Variants in BRCA1 observed in about 807,000 individuals in gnomAD.
BRCA1 encodes breast cancer type 1 susceptibility protein.
BRCA1 carries 140 observed loss-of-function variants against 173.7 expected under a neutral mutation model. That is an observed-to-expected ratio of 0.81 (90% CI 0.70 to 0.93). The LOEUF (loss-of-function observed/expected upper bound fraction) is 0.93. Among genes scored for constraint, BRCA1 ranks in the 40% least tolerant of loss-of-function variants. The pLI is 0.00. For missense variants in BRCA1, 1,983 were observed against 2,172.5 expected, an observed-to-expected ratio of 0.91 and a Z score of 1.73; for synonymous variants, 662 against 756.0, an observed-to-expected ratio of 0.88 and a Z score of 2.04.
intron 12 of BRCA1, among the ~76,000 whole-genome samples, chr17:43,077,895 C>G (rs2052814428): frequency 6.6e-6 from 1 of 151,740 alleles, no homozygotes; most frequent in African/African-American, 2.4e-5. Context: ...ACCACCTCGC[C>G]CAACTAATTT....
chr17:43,065,227 G>A (rs2052013007), intron 16 of BRCA1, among the ~76,000 whole-genome samples: 1 of 152,112 alleles, frequency 6.6e-6, no homozygotes, highest in Non-Finnish European at 1.5e-5. Flanking sequence ...GTAATAACTT[G>A]TTCTGGCACC....
chr17:43,168,890 A>T (rs1409279163), intron 1 of BRCA1, among the ~76,000 whole-genome samples: 1 of 152,042 alleles, frequency 6.6e-6, no homozygotes, highest in African/African-American at 2.4e-5. Flanking sequence ...TCTTGCATAA[A>T]ACCAAAATCA....
In BRCA1 at chr17:43,145,193, G is replaced by A. The variant is rs956828563; in HGVS notation, c.-19-21078C>T. 6.2e-5 allele frequency: 44 copies of A among 710,728 alleles called. No homozygotes were observed. The African/African-American group carries it at 6.4e-4, about 10-fold the overall frequency. The allele number at this position is 710,728 out of a possible 1,614,324, so 44.0% of individuals were successfully genotyped here. A position where few individuals can be genotyped will look rare whatever the true frequency, so the allele number is the denominator to read the frequency against. ...GAAGATTTACCTGCAGAAAACAGGG[G>A]AAACGAAAACTGAGGAGAGTCCAGC... On this transcript the variant is annotated intron_variant, in intron 1 of 7. Coordinates refer to the BRCA1 transcript ENST00000634433.
intron 1 of BRCA1, chr17:43,132,589 C>A (rs897240913): frequency 7.0e-6 from 1 of 142,348 alleles, no homozygotes; most frequent in Non-Finnish European, 1.5e-5. Flanking sequence ...TTTTCTTTTT[C>A]TTTTTTTAGA....
intron 12 of BRCA1, among the ~76,000 whole-genome samples, chr17:43,080,800 T>C (rs951192849): frequency 6.6e-6 from 1 of 151,908 alleles, no homozygotes; most frequent in African/African-American, 2.4e-5. Context: ...AGCAAGACCC[T>C]CTCTATAAGG....
At chr17:43,132,338 A>G (rs2055974330) in intron 1 of BRCA1, among the ~76,000 whole-genome samples, 1 of 152,108 alleles carries the variant, frequency 6.6e-6, no homozygotes, top group African/African-American at 2.4e-5. Flanking sequence ...CAGCTGTCTT[A>G]GCCCCATACT....
chr17:43,092,935 G>A lies in BRCA1; in HGVS notation c.2596C>T (p.Arg866Cys), dbSNP rs41286300. The A allele has an allele frequency of 1.9e-4, 313 of 1,613,668 alleles. No homozygotes were observed. Among genetic ancestry groups the A allele is most frequent in the Middle Eastern group, 5.0e-4 (3 of 6,060 alleles). ...YLQNTFKVSK[R>C]QSFAPFSNPG... ...TTTGAAAACGGAGCAAATGACTGGCGCTTTGAAACCTTGAATGTATTCTGC... is the reference window on the plus strand; with the variant it reads ...TTTGAAAACGGAGCAAATGACTGGCACTTTGAAACCTTGAATGTATTCTGC... Residue 866 changes from arginine to cysteine, a missense_variant, in exon 10 of 23, where the codon CGC (arginine) becomes TGC (cysteine). Transcript: ENST00000357654.
In BRCA1 at chr17:43,063,349, C is replaced by A. The variant is rs786203547; in HGVS notation, c.5177G>T (p.Arg1726Ile). Residue 1726 changes from arginine to isoleucine, a missense_variant, in exon 18 of 23, where the codon AGA (arginine) becomes ATA (isoleucine). Transcript: ENST00000357654. Reference protein sequence around the residue: ...YFWVTQSIKERKMLNEHDFEV... With the variant: ...YFWVTQSIKEIKMLNEHDFEV... ...AGTACTTACCTCATTCAGCATTTTT[C>A]TTTCTTTAATAGACTGGGTCACCCC... 6.8e-6 allele frequency: 11 copies of A among 1,611,064 alleles called. No homozygotes were observed. The highest frequency in any genetic ancestry group is 9.3e-6 in the Non-Finnish European group (11 of 1,177,376).
At chr17:43,085,207 T>C (rs535756147) in intron 11 of BRCA1, among the ~76,000 whole-genome samples, 8 of 152,288 alleles carry the variant, frequency 5.3e-5, no homozygotes, top group African/African-American at 1.9e-4. Flanking sequence ...CATGTCTTTT[T>C]CTTCCATAAA....
chr17:43,080,460 G>T (rs956608346), intron 12 of BRCA1, among the ~76,000 whole-genome samples: 5 of 151,996 alleles, frequency 3.3e-5, no homozygotes, highest in Non-Finnish European at 2.9e-5. Context: ...GCCTCCCAAA[G>T]TGCTGGGGTT....
chr17:43,088,878 C>G (rs988039503), intron 11 of BRCA1, among the ~76,000 whole-genome samples: 3 of 152,138 alleles, frequency 2.0e-5, no homozygotes, highest in African/African-American at 7.2e-5. Flanking sequence ...TGCATAGAAC[C>G]CTGTGCTGGG....
At chr17:43,117,302 C>T (rs1300133620) in intron 2 of BRCA1, among the ~76,000 whole-genome samples, 2 of 152,006 alleles carry the variant, frequency 1.3e-5, no homozygotes, top group African/African-American at 2.4e-5. Context: ...ATTAGCCGGG[C>T]GTGGTGGCGC....
intron 12 of BRCA1, among the ~76,000 whole-genome samples, chr17:43,079,033 C>T (rs1477814345): frequency 6.6e-6 from 1 of 152,122 alleles, no homozygotes; most frequent in African/African-American, 2.4e-5. Context: ...AACCCTGTCT[C>T]TACTAAAAAT....
chr17:43,144,482 T>A (rs946673656), intron 1 of BRCA1, among the ~76,000 whole-genome samples: 2 of 151,926 alleles, frequency 1.3e-5, no homozygotes, highest in Non-Finnish European at 2.9e-5. Context: ...AATTGTAAAA[T>A]CTCCACCCTC....
chr17:43,063,052 G>A (rs981383309), intron 18 of BRCA1, among the ~76,000 whole-genome samples: 26 of 151,982 alleles, frequency 1.7e-4, no homozygotes, highest in African/African-American at 5.3e-4. Context: ...CACCAAGCCC[G>A]GCTAATTTTG....
chr17:43,132,595 T>C (rs2055977612), intron 1 of BRCA1: 1 of 152,314 alleles, frequency 6.6e-6, no homozygotes, highest in African/African-American at 2.4e-5. Flanking sequence ...TTTTCTTTTT[T>C]TAGAGACGAA....
chr17:43,100,678 A>AAC lies in BRCA1; in HGVS notation c.442-799_442-798insGT, dbSNP rs1555595414. On this transcript the variant is annotated intron_variant, in intron 6 of 22. Coordinates refer to ENST00000357654, the MANE Select transcript of BRCA1 (RefSeq NM_007294.4). Reference sequence around the variant, plus strand: ...ATAACATATATATATATATATATATAATATATATATATATATATATATATG... The same window carrying AAC: ...ATAACATATATATATATATATATATAACATATATATATATATATATATATATG... 3.6e-3 allele frequency among the ~76,000 whole-genome samples: 131 copies of AAC among 36,208 alleles called. 4 individuals are homozygous for AAC. The highest frequency in any genetic ancestry group is 8.6e-3 in the East Asian group (7 of 810). The allele number at this position is 36,208 out of a possible 152,430, so 23.8% of individuals were successfully genotyped here.
intron 3 of BRCA1, among the ~76,000 whole-genome samples, chr17:43,107,716 G>T (rs1023400929): frequency 6.6e-6 from 1 of 152,162 alleles, no homozygotes; most frequent in Non-Finnish European, 1.5e-5. Flanking sequence ...TTAACAAACA[G>T]TGTTGAGACA....
chr17:43,061,291 C>A (rs1264966887), intron 18 of BRCA1, among the ~76,000 whole-genome samples: 1 of 152,160 alleles, frequency 6.6e-6, no homozygotes, highest in Non-Finnish European at 1.5e-5. Context: ...CTTTCCCTGG[C>A]CTCCTTAAAC....
Sources: allele counts gnomAD v4.1 joint callset (sites outside exome capture counted in the v4.1 genomes callset), GRCh38; gene constraint gnomAD v4.1.1; transcripts MANE v1.5; gene names NCBI Gene and HGNC (gene_info 2026-07-23, HGNC 2026-07-21).